Variants in NT5E observed in about 807,000 individuals in gnomAD.
NT5E encodes the protein 5'-nucleotidase ecto, also known as 5'-nucleotidase.
Under a neutral mutation model 55.1 loss-of-function variants are expected in NT5E, and 53 were observed. The ratio of observed to expected loss-of-function variants is 0.96; its 90% CI spans 0.77 to 1.21. The LOEUF is 1.21. Ranked by LOEUF, NT5E falls within the 50% of genes most tolerant of loss-of-function variation. NT5E has a pLI of 0.00. For synonymous variants in NT5E, 270 were observed against 278.4 expected (o/e 0.97, Z 0.30); for missense variants, 683 against 724.3 (o/e 0.94, Z 0.65).
chr6:85,479,982 T>C (rs1243034003), intron 3 of NT5E, among the ~76,000 whole-genome samples: 1 of 151,924 alleles, frequency 6.6e-6, no homozygotes, highest in Non-Finnish European at 1.5e-5. Context: ...GAAAGCTAAG[T>C]ATTTGCTCGC....
chr6:85,489,612 G>A lies in NT5E; in HGVS notation c.1210+13G>A, dbSNP rs1482809775. The A allele has an allele frequency of 9.6e-6, 15 of 1,568,532 alleles. No homozygotes were observed. In the East Asian group the frequency reaches 1.1e-4, roughly 12 times the overall value. ...GAACGCAACAATGGTATGCTCCCAGGCCCAGCTCCTCAGTGTGTCATGTTC... is the reference window on the plus strand; with the variant it reads ...GAACGCAACAATGGTATGCTCCCAGACCCAGCTCCTCAGTGTGTCATGTTC... On this transcript the variant is annotated intron_variant, in intron 6 of 8. Transcript: ENST00000257770.
At position 85,494,136 on chromosome 6, in the gene NT5E, A is replaced by G; in HGVS notation, c.*132A>G. On this transcript the variant is annotated 3_prime_UTR_variant, in exon 9 of 9. Transcript: ENST00000257770. ...GCTCCTAGAAGCTGAAGGTTAGAGC[A>G]TTATAAAATGAAGAGACAGACATGA... 1.2e-6 allele frequency: 1 copy of G among 867,360 alleles called. No homozygotes were observed. The highest frequency in any genetic ancestry group is 1.8e-6 in the Non-Finnish European group (1 of 548,718). 53.7% of individuals were successfully genotyped at this position (867,360 alleles called of 1,614,324 possible). A position where few individuals can be genotyped will look rare whatever the true frequency, so the allele number is the denominator to read the frequency against.
At chr6:85,490,410 C>T in intron 6 of NT5E, 98 bp from the exon 7 acceptor site, 1 of 1,340,596 alleles carries the variant, frequency 7.5e-7, no homozygotes, top group Non-Finnish European at 1.1e-6. Flanking sequence ...CTTCCCATGT[C>T]CCCCTCATTT....
At chr6:85,461,009 C>T (rs1346641009) in intron 1 of NT5E, among the ~76,000 whole-genome samples, 1 of 152,156 alleles carries the variant, frequency 6.6e-6, no homozygotes, top group Non-Finnish European at 1.5e-5. Context: ...CTGATCTCCC[C>T]AGTTAGAATT....
intron 1 of NT5E, among the ~76,000 whole-genome samples, chr6:85,465,798 G>A (rs1769181251): frequency 6.6e-6 from 1 of 152,214 alleles, no homozygotes; most frequent in Non-Finnish European, 1.5e-5. Context: ...TCAGGAGACT[G>A]ATATAAAAGA....
intron 8 of NT5E, 104 bp downstream of exon 8, chr6:85,492,281 G>C (rs1321381343): frequency 1.0e-6 from 1 of 985,282 alleles, no homozygotes; most frequent in East Asian, 2.5e-5. Context: ...CTGTATTGCT[G>C]ACTCCCTCCT....
chr6:85,491,784 C>T lies in NT5E; in HGVS notation c.1361-193C>T, dbSNP rs78726490. ...AGAGCTGGTTTTCCTTCCAGTGGTT[C>T]TCATATGTCCTGTAAGGACTCAAGG... On this transcript the variant is annotated intron_variant, in intron 7 of 8. Coordinates refer to ENST00000257770, the MANE Select transcript of NT5E (RefSeq NM_002526.4). 4.5e-3 allele frequency among the ~76,000 whole-genome samples: 682 copies of T among 152,268 alleles called. 5 individuals carry two copies. Among genetic ancestry groups the T allele is most frequent in the Non-Finnish European group, 7.5e-3 (508 of 68,016 alleles).
chr6:85,468,199 A>T (rs993993779), intron 2 of NT5E, among the ~76,000 whole-genome samples: 2 of 152,228 alleles, frequency 1.3e-5, no homozygotes, highest in Admixed American at 6.5e-5. Context: ...TATAAAATAA[A>T]TAAGTCCAGG....
At position 85,455,078 on chromosome 6, in the gene NT5E, GAGTTATGTTGCCATGGGC is replaced by G. The variant is rs1180396938; in HGVS notation, c.339+4603_339+4620del. ...ACTCTAAAGGCCACCTGAGAAGTTTGAGTTATGTTGCCATGGGCAGCCATGTGGTTTCTGCGTAGAAGA... is the reference window on the plus strand; with the variant it reads ...ACTCTAAAGGCCACCTGAGAAGTTTGAGCCATGTGGTTTCTGCGTAGAAGA... On this transcript the variant is annotated intron_variant, in intron 1 of 8. Transcript: ENST00000257770. Among the ~76,000 whole-genome samples the G allele has an allele frequency of 2.0e-5, 3 of 152,334 alleles. No homozygotes were observed. The East Asian group carries it at 5.8e-4, about 29-fold the overall frequency.
chr6:85,462,340 C>A (rs1582371386), intron 1 of NT5E, among the ~76,000 whole-genome samples: 1 of 152,180 alleles, frequency 6.6e-6, no homozygotes, highest in Non-Finnish European at 1.5e-5. Context: ...TCCTTGGACA[C>A]CATACAGACC....
intron 1 of NT5E, among the ~76,000 whole-genome samples, chr6:85,457,896 TA>T (rs752928524): frequency 3.3e-5 from 5 of 152,108 alleles, no homozygotes; most frequent in Non-Finnish European, 7.4e-5. Flanking sequence ...GTAAGATCTA[TA>T]AAGGAGAGAG....
chr6:85,484,290 T>C (rs1769606111), intron 3 of NT5E, among the ~76,000 whole-genome samples: 1 of 152,168 alleles, frequency 6.6e-6, no homozygotes, highest in South Asian at 2.1e-4. Context: ...ATTGTCTCCT[T>C]GGAGGTAAGA....
rs1270131770 is a variant in NT5E at position 85,494,181 on chromosome 6, T to A, written c.*177T>A. 1.9e-5 allele frequency: 12 copies of A among 647,818 alleles called. No individual in the cohort carries two copies. Among genetic ancestry groups the A allele is most frequent in the Middle Eastern group, 8.2e-4 (2 of 2,440 alleles). 40.1% of individuals were successfully genotyped at this position (647,818 alleles called of 1,614,324 possible). ...ACATGATTACTCAGGGTCAGCAACCTAGTGAGTTAGAAAAAAAATTAACAT... is the reference window on the plus strand; with the variant it reads ...ACATGATTACTCAGGGTCAGCAACCAAGTGAGTTAGAAAAAAAATTAACAT... On this transcript the variant is annotated 3_prime_UTR_variant, in exon 9 of 9. Transcript: ENST00000257770.
intron 7 of NT5E, chr6:85,490,977 A>AT (rs372482896): frequency 1.1e-3 from 489 of 463,504 alleles, no homozygotes; most frequent in Admixed American, 1.3e-3. Context: ...GCATTCAATT[A>AT]TTTTTTTTTT....
Position 85,467,071 on chromosome 6 carries a change from T to C in NT5E, c.351T>C (p.Asn117=), listed in dbSNP as rs780927691. The C allele has an allele frequency of 6.2e-7, 1 of 1,613,932 alleles. No homozygotes were observed. The highest frequency in any genetic ancestry group is 1.3e-5 in the African/African-American group (1 of 74,920). The change falls in exon 2 of 9, where the codon AAT becomes AAC. Residue 117 remains asparagine (N), a synonymous_variant. Coordinates refer to ENST00000257770, the MANE Select transcript of NT5E (RefSeq NM_002526.4). ...ALRYDAMALG[N]HEFDNGVEGL... is the part of the protein sequence containing the mutation. ...TCTGTTTTATCTAGGCACTGGGAAA[T>C]CATGAATTTGATAATGGTGTGGAAG...
Position 85,487,459 on chromosome 6 carries a change from C to T in NT5E, c.1074C>T (p.Cys358=), listed in dbSNP as rs1322881757. 2.3e-5 allele frequency: 37 copies of T among 1,614,110 alleles called. No individual in the cohort carries two copies. The highest frequency in any genetic ancestry group is 3.1e-5 in the Non-Finnish European group (36 of 1,180,000). Residue 358 remains cysteine, a synonymous_variant, in exon 5 of 9, where the codon TGC becomes TGT. Coordinates refer to ENST00000257770, the MANE Select transcript of NT5E (RefSeq NM_002526.4). ...GSSQSCRFRE[C]NMGNLICDAM... is the part of the protein sequence containing the mutation. The stretch of plus-strand genomic sequence containing the variant: ...CTCAATCATGCCGCTTTAGAGAATG[C>T]AACATGGGCAACCTGATTTGTGATG...
rs540375255 is a variant in NT5E, at chr6:85,489,931, C to T, written c.1210+332C>T. Among the ~76,000 whole-genome samples, 3 of 152,306 alleles carry T rather than the reference C, an allele frequency of 2.0e-5. No homozygotes were observed. The East Asian group carries it at 5.8e-4, about 29-fold the overall frequency. ...TATGCAAAATAACAACAGTCACCAC[C>T]TTGGCATCTGAAAAGAGACAAAATC... On this transcript the variant is annotated intron_variant, in intron 6 of 8. Coordinates refer to ENST00000257770, the MANE Select transcript of NT5E (RefSeq NM_002526.4).
intron 3 of NT5E, among the ~76,000 whole-genome samples, chr6:85,475,512 T>C (rs757261380): frequency 1.3e-5 from 2 of 152,152 alleles, no homozygotes; most frequent in Non-Finnish European, 2.9e-5. Flanking sequence ...GCTTACAAAA[T>C]GATAAAGTTA....
At chr6:85,461,306 G>C (rs1769094444) in intron 1 of NT5E, among the ~76,000 whole-genome samples, 1 of 152,060 alleles carries the variant, frequency 6.6e-6, no homozygotes, top group Non-Finnish European at 1.5e-5. Flanking sequence ...TGTTGTAATG[G>C]AAAAAAGGTT....
Sources: allele counts gnomAD v4.1 joint callset (sites outside exome capture counted in the v4.1 genomes callset), GRCh38; gene constraint gnomAD v4.1.1; transcripts MANE v1.5; gene names NCBI Gene and HGNC (gene_info 2026-07-23, HGNC 2026-07-21).